The following EPS15 variants were observed in gnomAD, a reference collection of about 807,000 sequenced individuals.
EPS15 encodes the protein epidermal growth factor receptor pathway substrate 15.
Under a neutral mutation model 113.8 loss-of-function variants are expected in EPS15, and 72 were observed. The observed-to-expected ratio is 0.63, with a 90% CI of 0.52 to 0.77. The LOEUF is 0.77. Ranked by LOEUF, EPS15 falls within the 30% of genes least tolerant of loss-of-function variation. The probability of loss-of-function intolerance (pLI) is 0.00; values close to 1 mark genes in which losing one functional copy is unlikely to be tolerated. For missense variants in EPS15, 1,048 were observed against 1,045.8 expected (o/e 1.00, Z -0.03); for synonymous variants, 344 against 363.4 (o/e 0.95, Z 0.61).
rs761756104 is a variant in EPS15, at chr1:51,359,750, C to CAA, written c.2544+1419_2544+1420dup. On this transcript the variant is annotated intron_variant, in intron 24 of 24. Coordinates refer to ENST00000371733, the MANE Select transcript of EPS15 (RefSeq NM_001981.3). Reference sequence around the variant, plus strand: ...TGGGCAATAAGAGCAAAACTCATCTCAAAAAAAAAAAAAAATCAGTATAAT... The same window carrying CAA: ...TGGGCAATAAGAGCAAAACTCATCTCAAAAAAAAAAAAAAAAATCAGTATAAT... 6.7e-3 allele frequency among the ~76,000 whole-genome samples: 838 copies of CAA among 125,106 alleles called. 10 individuals are homozygous for CAA. Among genetic ancestry groups the CAA allele is most frequent in the African/African-American group, 0.024 (807 of 34,060 alleles). The allele number at this position is 125,106 out of a possible 152,430, so 82.1% of individuals were successfully genotyped here.
chr1:51,367,551 CAACAAACA>C (rs201563772), intron 21 of EPS15, among the ~76,000 whole-genome samples: 2 of 151,272 alleles, frequency 1.3e-5, no homozygotes, highest in Non-Finnish European at 1.5e-5. Flanking sequence ...TGTCTGTCTC[CAACAAACA>C]AACAAACAAA....
intron 21 of EPS15, among the ~76,000 whole-genome samples, chr1:51,369,820 C>T (rs77691710): frequency 0.015 from 2,334 of 152,234 alleles, 19 homozygotes; most frequent in Middle Eastern, 0.031. Flanking sequence ...TCTATGAAGA[C>T]AGGAACTTTG....
At chr1:51,453,704 G>T (rs990115970) in intron 8 of EPS15, among the ~76,000 whole-genome samples, 1 of 152,090 alleles carries the variant, frequency 6.6e-6, no homozygotes, top group African/African-American at 2.4e-5. Flanking sequence ...GAGACAGGAG[G>T]GAAAGAGGGG....
chr1:51,457,229 G>A (rs1211004520), intron 8 of EPS15, among the ~76,000 whole-genome samples: 1 of 152,122 alleles, frequency 6.6e-6, no homozygotes, highest in African/African-American at 2.4e-5. Context: ...GGAGCTTGCA[G>A]TGAGCTGAGA....
intron 16 of EPS15, among the ~76,000 whole-genome samples, chr1:51,405,277 T>C (rs1426596539): frequency 3.3e-5 from 5 of 152,192 alleles, no homozygotes; most frequent in Admixed American, 1.3e-4. Flanking sequence ...TTGGTACTCG[T>C]CAAATAATTG....
intron 13 of EPS15, among the ~76,000 whole-genome samples, chr1:51,410,609 G>A (rs1446293551): frequency 2.0e-5 from 3 of 152,114 alleles, no homozygotes; most frequent in East Asian, 3.8e-4. Context: ...AAAGCCAGGC[G>A]CAGTGGCTCA....
At chr1:51,476,055 C>T (rs1464567336) in intron 2 of EPS15, among the ~76,000 whole-genome samples, 1 of 152,128 alleles carries the variant, frequency 6.6e-6, no homozygotes, top group Non-Finnish European at 1.5e-5. Context: ...TGTTTTGGTA[C>T]TAGTCCCATG....
chr1:51,394,197 G>C (rs1266294007), intron 21 of EPS15, 184 bp downstream of exon 21: 2 of 452,704 alleles, frequency 4.4e-6, no homozygotes, highest in Admixed American at 3.9e-5. Context: ...AATAATAAAT[G>C]AAAGAATGAA....
intron 1 of EPS15, among the ~76,000 whole-genome samples, chr1:51,502,093 C>A (rs986949298): frequency 1.3e-5 from 2 of 152,164 alleles, no homozygotes; most frequent in Non-Finnish European, 2.9e-5. Context: ...CATAGTGAGA[C>A]TCCATCTTTA....
intron 5 of EPS15, among the ~76,000 whole-genome samples, chr1:51,467,700 G>A (rs989076449): frequency 2.0e-5 from 3 of 152,130 alleles, no homozygotes; most frequent in African/African-American, 7.2e-5. Context: ...TCCAACTTTT[G>A]CCAGATCAGC....
rs529807681 is a variant in EPS15, at chr1:51,487,322, A to G, written c.34-6008T>C. Among the ~76,000 whole-genome samples, 3 of 152,306 alleles carry G rather than the reference A, an allele frequency of 2.0e-5. No homozygotes were observed. The East Asian group carries it at 5.8e-4, about 29-fold the overall frequency. On this transcript the variant is annotated intron_variant, in intron 1 of 24. Coordinates refer to ENST00000371733, the MANE Select transcript of EPS15 (RefSeq NM_001981.3). ...TATTCAACTGAAGTCCATGTTAAAA[A>G]CTTTGTTATAATGTACAACAAAATG...
intron 12 of EPS15, among the ~76,000 whole-genome samples, chr1:51,437,641 CCTGT>C (rs1200213705): frequency 2.0e-5 from 3 of 151,854 alleles, no homozygotes; most frequent in Non-Finnish European, 4.4e-5. Context: ...TGCCACCACG[CCTGT>C]CTAATTTTTG....
chr1:51,447,023 C>A lies in EPS15; in HGVS notation c.734G>T (p.Gly245Val). The change falls in exon 10 of 25, where the codon GGA becomes GTA. Residue 245 changes from glycine (G) to valine (V), a missense_variant. Gly to Val is a moderately radical substitution (Grantham distance 109). Coordinates refer to ENST00000371733, the MANE Select transcript of EPS15 (RefSeq NM_001981.3). Reference protein sequence around the residue: ...TDKDMDGFVSGLEVREIFLKT... With the variant: ...TDKDMDGFVSVLEVREIFLKT... The stretch of plus-strand genomic sequence containing the variant: ...CAAGAATATTTCACGGACCTCCAAT[C>A]CAGACACAAATCCGTCCATATCTTT... The A allele has an allele frequency of 6.2e-7, 1 of 1,613,622 alleles. No individual in the cohort carries two copies. The highest frequency in any genetic ancestry group is 8.5e-7 in the Non-Finnish European group (1 of 1,179,630).
intron 21 of EPS15, among the ~76,000 whole-genome samples, chr1:51,388,471 A>C (rs978942885): frequency 6.6e-6 from 1 of 152,248 alleles, no homozygotes; most frequent in Admixed American, 6.5e-5. Context: ...AACTAAAATC[A>C]GAGCAGAACT....
At chr1:51,442,881 A>C (rs571115395) in intron 11 of EPS15, among the ~76,000 whole-genome samples, 1 of 152,310 alleles carries the variant, frequency 6.6e-6, no homozygotes, top group Admixed American at 6.5e-5. Flanking sequence ...GTGCTGCAGA[A>C]TGGAAAAAAT....
intron 5 of EPS15, among the ~76,000 whole-genome samples, chr1:51,467,055 A>C (rs1246148478): frequency 6.6e-6 from 1 of 152,226 alleles, no homozygotes; most frequent in Non-Finnish European, 1.5e-5. Flanking sequence ...AAAGCTTATA[A>C]GAAAGCTATT....
chr1:51,513,833 T>A (rs1304785748), intron 1 of EPS15, among the ~76,000 whole-genome samples: 1 of 152,188 alleles, frequency 6.6e-6, no homozygotes, highest in Non-Finnish European at 1.5e-5. Context: ...ATTCCTCTAA[T>A]CAATTTCTCT....
At chr1:51,448,425 CAT>C (rs1653251254) in intron 8 of EPS15, among the ~76,000 whole-genome samples, 1 of 152,054 alleles carries the variant, frequency 6.6e-6, no homozygotes, top group East Asian at 1.9e-4. Context: ...GAGAAGACAA[CAT>C]ATGCAAAGAA....
At chr1:51,485,165 C>T (rs1570405677) in intron 1 of EPS15, among the ~76,000 whole-genome samples, 1 of 152,282 alleles carries the variant, frequency 6.6e-6, no homozygotes. Flanking sequence ...ATTAATGAGT[C>T]AGCTTCAAAC....
Sources: gnomAD v4.1 joint callset for allele counts (sites outside exome capture counted in the v4.1 genomes callset) on GRCh38, gnomAD v4.1.1 for gene constraint, MANE v1.5 for transcripts, NCBI Gene and HGNC (gene_info 2026-07-23, HGNC 2026-07-21) for gene names.